The following SOX5 variants were observed in gnomAD, a reference collection of about 807,000 sequenced individuals.
The protein encoded by SOX5 is transcription factor SOX-5.
In SOX5, 9 loss-of-function variants were observed where a neutral mutation model predicts 92.0. The observed-to-expected ratio is 0.10, with a 90% CI of 0.06 to 0.17. The LOEUF (loss-of-function observed/expected upper bound fraction) is 0.17, where lower values mean the gene tolerates loss of function less well. SOX5 is among the 10% of genes least tolerant of loss of function. The pLI, the probability that SOX5 is intolerant of heterozygous loss-of-function variation, is 1.00. For missense variants in SOX5, 642 were observed against 944.5 expected (o/e 0.68, Z 4.20); for synonymous variants, 344 against 336.3 (o/e 1.02, Z -0.25).
chr12:23,940,339 T>C (rs887805619), intron 1 of SOX5, among the ~76,000 whole-genome samples: 4 of 151,188 alleles, frequency 2.6e-5, no homozygotes, highest in Non-Finnish European at 4.5e-5. Flanking sequence ...AGAGACACCA[T>C]GGCTGCTTGT....
At chr12:24,010,705 C>A (rs968751276) in intron 4 of SOX5, among the ~76,000 whole-genome samples, 2 of 152,158 alleles carry the variant, frequency 1.3e-5, no homozygotes, top group Admixed American at 1.3e-4. Flanking sequence ...AAGGCCAAGG[C>A]AGGTGAATCA....
chr12:24,378,530 A>G (rs955543369), intron 1 of SOX5, among the ~76,000 whole-genome samples: 7 of 152,202 alleles, frequency 4.6e-5, no homozygotes, highest in Non-Finnish European at 1.0e-4. Flanking sequence ...ATAAAGGAGG[A>G]GCACTGTATA....
chr12:23,838,844 G>GT (rs1568223069), intron 3 of SOX5, among the ~76,000 whole-genome samples: 1 of 56,988 alleles, frequency 1.8e-5, no homozygotes, highest in Non-Finnish European at 3.9e-5. Context: ...CTTTTTTTTT[G>GT]GGGGGGGGGG....
At chr12:23,710,575 C>CT (rs1342336015) in intron 6 of SOX5, among the ~76,000 whole-genome samples, 6 of 152,220 alleles carry the variant, frequency 3.9e-5, no homozygotes, top group Admixed American at 3.9e-4. Context: ...TGAACTCATC[C>CT]TTTTTTATGG....
intron 11 of SOX5, among the ~76,000 whole-genome samples, chr12:23,548,282 A>G (rs1943520322): frequency 6.6e-6 from 1 of 152,116 alleles, no homozygotes; most frequent in African/African-American, 2.4e-5. Flanking sequence ...TCAGCTCTAC[A>G]GATGCTGTGC....
At chr12:23,878,997 T>G (rs2096958601) in intron 2 of SOX5, among the ~76,000 whole-genome samples, 1 of 152,176 alleles carries the variant, frequency 6.6e-6, no homozygotes, top group East Asian at 1.9e-4. Flanking sequence ...GTTTATTTTT[T>G]GACATGTTGC....
chr12:24,309,011 A>T (rs1948898722), intron 2 of SOX5, among the ~76,000 whole-genome samples: 1 of 152,252 alleles, frequency 6.6e-6, no homozygotes, highest in Non-Finnish European at 1.5e-5. Flanking sequence ...TGTGAAAAGC[A>T]ATGCTGTTAA....
chr12:23,708,104 G>A (rs2091634587), intron 6 of SOX5, among the ~76,000 whole-genome samples: 1 of 151,934 alleles, frequency 6.6e-6, no homozygotes, highest in South Asian at 2.1e-4. Flanking sequence ...AAAGTAGTAG[G>A]ACCATAAAAG....
Position 23,704,731 on chromosome 12 carries a change from C to CACACACAT in SOX5, c.810+29952_810+29953insATGTGTGT, listed in dbSNP as rs368949647. On this transcript the variant is annotated intron_variant, in intron 6 of 14. Coordinates refer to ENST00000451604, the MANE Select transcript of SOX5 (RefSeq NM_006940.6). ...ATATATATATACACACACACACACA[C>CACACACAT]ATACACACATACATGCAGACAGATA... 4.8e-3 allele frequency among the ~76,000 whole-genome samples: 625 copies of CACACACAT among 130,910 alleles called. 4 individuals carry two copies. Among genetic ancestry groups the CACACACAT allele is most frequent in the Non-Finnish European group, 6.2e-3 (386 of 61,928 alleles). The allele number at this position is 130,910 out of a possible 152,430, so 85.9% of individuals were successfully genotyped here. A position where few individuals can be genotyped will look rare whatever the true frequency, so the allele number is the denominator to read the frequency against.
At chr12:24,266,034 ATGTGTGTGTGTGTGTGTGTGTGTGTG>A (rs59696898) in intron 3 of SOX5, among the ~76,000 whole-genome samples, 19 of 127,718 alleles carry the variant, frequency 1.5e-4, no homozygotes, top group South Asian at 8.7e-4. Flanking sequence ...ATGCCAGCTA[ATGTGTGTGTGTGTGTGTGTGTGTGTG>A]TGTGTGTGTG....
chr12:23,744,115 C>G (rs1474645779), intron 4 of SOX5, among the ~76,000 whole-genome samples: 1 of 152,156 alleles, frequency 6.6e-6, no homozygotes, highest in African/African-American at 2.4e-5. Flanking sequence ...TATTTCAACT[C>G]CTACTTAGCT....
intron 8 of SOX5, chr12:23,632,216 GAGAGGAAAA>G (rs2078633226): frequency 6.6e-6 from 1 of 152,096 alleles, no homozygotes; most frequent in Non-Finnish European, 1.5e-5. Context: ...GGGTCGAAGG[GAGAGGAAAA>G]GAAGGAATTC....
rs545086723 is a variant in SOX5, at chr12:23,911,593, A to C, written c.39-15569T>G. 1.4e-4 allele frequency among the ~76,000 whole-genome samples: 22 copies of C among 152,196 alleles called. No individual in the cohort carries two copies. The South Asian group carries it at 4.1e-3, about 29-fold the overall frequency. ...AAAACCTCTCTGGAAATGTTTTTTTAAATGATGTATACCTTTTATTCCTTA... is the reference window on the plus strand; with the variant it reads ...AAAACCTCTCTGGAAATGTTTTTTTCAATGATGTATACCTTTTATTCCTTA... On this transcript the variant is annotated intron_variant, in intron 1 of 14. Coordinates refer to ENST00000451604, the MANE Select transcript of SOX5 (RefSeq NM_006940.6).
chr12:24,284,912 G>A (rs1372849781), intron 2 of SOX5, among the ~76,000 whole-genome samples: 1 of 152,154 alleles, frequency 6.6e-6, no homozygotes, highest in East Asian at 1.9e-4. Flanking sequence ...ATCACCTGAG[G>A]TCAGGAGTTC....
intron 9 of SOX5, among the ~76,000 whole-genome samples, chr12:23,602,921 C>T (rs1002673025): frequency 6.6e-6 from 1 of 152,060 alleles, no homozygotes; most frequent in African/African-American, 2.4e-5. Context: ...CTTAGATATA[C>T]ATTAAGCACA....
upstream of SOX5, chr12:23,950,860 G>T: frequency 6.5e-7 from 1 of 1,535,066 alleles, no homozygotes; most frequent in South Asian, 1.2e-5. Context: ...CAGAGAGAGA[G>T]ACACTTACAC....
intron 2 of SOX5, among the ~76,000 whole-genome samples, chr12:24,290,068 G>C (rs1946444706): frequency 6.6e-6 from 1 of 152,178 alleles, no homozygotes. Context: ...CGATCCAAAA[G>C]TCTAGTGTCT....
At chr12:23,771,662 C>T (rs554970120) in intron 3 of SOX5, among the ~76,000 whole-genome samples, 1 of 152,310 alleles carries the variant, frequency 6.6e-6, no homozygotes, top group South Asian at 2.1e-4. Context: ...TTACATACAT[C>T]CATTAAAAAG....
intron 4 of SOX5, among the ~76,000 whole-genome samples, chr12:24,003,600 G>A (rs541303932): frequency 6.1e-4 from 92 of 152,040 alleles, no homozygotes; most frequent in African/African-American, 2.1e-3. Context: ...AACAAAAGTC[G>A]TACAAGACTT....
Sources: gnomAD v4.1 joint callset for allele counts (sites outside exome capture counted in the v4.1 genomes callset) on GRCh38, gnomAD v4.1.1 for gene constraint, MANE v1.5 for transcripts, NCBI Gene and HGNC (gene_info 2026-07-23, HGNC 2026-07-21) for gene names.